The following ROBO1 variants were observed in gnomAD, a reference collection of about 807,000 sequenced individuals.
ROBO1 encodes the protein roundabout guidance receptor 1.
Under a neutral mutation model 195.9 loss-of-function variants are expected in ROBO1, and 149 were observed. The ratio of observed to expected loss-of-function variants is 0.76; its 90% CI spans 0.67 to 0.87. The LOEUF (loss-of-function observed/expected upper bound fraction) is 0.87, where lower values mean the gene tolerates loss of function less well. ROBO1 is among the 40% of genes least tolerant of loss of function. ROBO1 has a pLI of 0.00. For missense variants in ROBO1, 1,933 were observed against 2,068.3 expected (o/e 0.93, Z 1.27); for synonymous variants, 816 against 733.2 (o/e 1.11, Z -1.82).
chr3:79,612,280 T>C (rs1944684504), intron 1 of ROBO1, among the ~76,000 whole-genome samples: 1 of 148,936 alleles, frequency 6.7e-6, no homozygotes, highest in Admixed American at 6.8e-5. Context: ...ATATGCGGTG[T>C]TTGGTTTTTT....
At chr3:79,569,673 GTA>G (rs35772632) in intron 2 of ROBO1, among the ~76,000 whole-genome samples, 1,723 of 85,694 alleles carry the variant, frequency 0.02, 51 homozygotes, top group East Asian at 0.15. Context: ...GTGTGTGTGT[GTA>G]TATATGTGTG....
intron 2 of ROBO1, among the ~76,000 whole-genome samples, chr3:79,393,225 A>G (rs2037020035): frequency 6.6e-6 from 1 of 152,218 alleles, no homozygotes; most frequent in South Asian, 2.1e-4. Context: ...ATGCTGGTGT[A>G]GAACAATATA....
chr3:79,613,466 T>C (rs2107933378), intron 1 of ROBO1, among the ~76,000 whole-genome samples: 1 of 152,062 alleles, frequency 6.6e-6, no homozygotes, highest in African/African-American at 2.4e-5. Context: ...AATACTCAAC[T>C]AACCCAAAAG....
chr3:78,639,054 G>A (rs1009458465), intron 22 of ROBO1, among the ~76,000 whole-genome samples: 3 of 152,114 alleles, frequency 2.0e-5, no homozygotes, highest in Non-Finnish European at 2.9e-5. Flanking sequence ...GCTGAGGCAG[G>A]AGAATCACTT....
intron 2 of ROBO1, among the ~76,000 whole-genome samples, chr3:79,227,889 G>A (rs978347690): frequency 6.6e-6 from 1 of 152,122 alleles, no homozygotes; most frequent in Non-Finnish European, 1.5e-5. Context: ...TTCTTCTGCT[G>A]AGTTGACCAC....
chr3:79,490,145 G>T (rs1324040823), intron 2 of ROBO1, among the ~76,000 whole-genome samples: 1 of 151,968 alleles, frequency 6.6e-6, no homozygotes. Flanking sequence ...TAATTTCCGT[G>T]GTTATATTAT....
intron 4 of ROBO1, among the ~76,000 whole-genome samples, chr3:78,902,897 T>G (rs554881280): frequency 6.6e-6 from 1 of 152,148 alleles, no homozygotes; most frequent in South Asian, 2.1e-4. Flanking sequence ...AAACATTTAC[T>G]GGTACTGTCC....
At chr3:78,980,614 G>A (rs981640708) in intron 3 of ROBO1, among the ~76,000 whole-genome samples, 3 of 152,104 alleles carry the variant, frequency 2.0e-5, no homozygotes, top group East Asian at 1.9e-4. Flanking sequence ...CACAAACACC[G>A]TAACAATAAC....
chr3:78,760,115 C>T (rs947308867), intron 4 of ROBO1, among the ~76,000 whole-genome samples: 4 of 152,118 alleles, frequency 2.6e-5, no homozygotes, highest in African/African-American at 9.7e-5. Context: ...ACCTCTTGCG[C>T]TTGGCTCTCA....
At chr3:78,749,435 C>A (rs2082735595) in intron 4 of ROBO1, among the ~76,000 whole-genome samples, 1 of 152,012 alleles carries the variant, frequency 6.6e-6, no homozygotes, top group Non-Finnish European at 1.5e-5. Flanking sequence ...AAAATGTAAT[C>A]CATTAAAAAC....
chr3:79,187,240 T>C (rs1010444137), intron 2 of ROBO1, among the ~76,000 whole-genome samples: 3 of 152,122 alleles, frequency 2.0e-5, no homozygotes, highest in East Asian at 1.9e-4. Flanking sequence ...TGTCCCCATA[T>C]GGAACTGGCA....
intron 1 of ROBO1, among the ~76,000 whole-genome samples, chr3:79,610,435 G>A (rs1377853404): frequency 2.0e-5 from 3 of 151,484 alleles, no homozygotes; most frequent in East Asian, 1.9e-4. Flanking sequence ...CTGAAACTTC[G>A]GAAAGCAAAA....
chr3:79,445,485 T>TC (rs1338607014), intron 2 of ROBO1, among the ~76,000 whole-genome samples: 1 of 145,744 alleles, frequency 6.9e-6, no homozygotes, highest in Non-Finnish European at 1.5e-5. Context: ...GAAATTGTTT[T>TC]TTTTTTTTTT....
chr3:78,774,518 G>A (rs1363280650), intron 4 of ROBO1, among the ~76,000 whole-genome samples: 1 of 151,864 alleles, frequency 6.6e-6, no homozygotes, highest in Non-Finnish European at 1.5e-5. Flanking sequence ...CACTGTGTTA[G>A]CCAGGATGGT....
intron 2 of ROBO1, among the ~76,000 whole-genome samples, chr3:79,298,325 C>G (rs78220865): frequency 6.6e-6 from 1 of 151,214 alleles, no homozygotes; most frequent in Non-Finnish European, 1.5e-5. Context: ...TCATTGTACA[C>G]TCTTTACTGC....
chr3:79,180,564 A>G (rs1275919974), intron 2 of ROBO1, among the ~76,000 whole-genome samples: 2 of 152,188 alleles, frequency 1.3e-5, no homozygotes, highest in Non-Finnish European at 2.9e-5. Flanking sequence ...TCTTGGCTCC[A>G]CTGCTTAATG....
chr3:78,664,916 C>A (rs1314822978), intron 14 of ROBO1, among the ~76,000 whole-genome samples: 1 of 152,118 alleles, frequency 6.6e-6, no homozygotes, highest in African/African-American at 2.4e-5. Flanking sequence ...CAAGAATAGG[C>A]AAGATATGTG....
intron 2 of ROBO1, among the ~76,000 whole-genome samples, chr3:79,187,451 A>T (rs1265679675): frequency 1.3e-5 from 2 of 152,072 alleles, no homozygotes; most frequent in African/African-American, 4.8e-5. Context: ...CGCCCTCTAA[A>T]GCATGATCAT....
intron 4 of ROBO1, among the ~76,000 whole-genome samples, chr3:78,779,216 ACAACAAAAGCAATGG>A (rs1218093586): frequency 6.6e-6 from 1 of 152,334 alleles, no homozygotes; most frequent in African/African-American, 2.4e-5. Context: ...CATGACTAAA[ACAACAAAAGCAATGG>A]CAACAAAAGC....
Sources: allele counts gnomAD v4.1 joint callset (sites outside exome capture counted in the v4.1 genomes callset), GRCh38; gene constraint gnomAD v4.1.1; transcripts MANE v1.5; gene names NCBI Gene and HGNC (gene_info 2026-07-23, HGNC 2026-07-21).